The following PALS2 variants were observed in gnomAD, a reference collection of about 807,000 sequenced individuals.
The protein encoded by PALS2 is protein PALS2.
In PALS2, 27 loss-of-function variants were observed where a neutral mutation model predicts 61.6. The ratio of observed to expected loss-of-function variants is 0.44; its 90% CI spans 0.32 to 0.60. PALS2 has a LOEUF of 0.60. PALS2 is among the 20% of genes least tolerant of loss of function. PALS2 has a pLI of 0.05. For missense variants in PALS2, 554 were observed against 639.4 expected (o/e 0.87, Z 1.44); for synonymous variants, 236 against 218.6 (o/e 1.08, Z -0.70).
intron 3 of PALS2, among the ~76,000 whole-genome samples, chr7:24,644,532 C>T (rs1176921870): frequency 6.6e-6 from 1 of 151,314 alleles, no homozygotes; most frequent in African/African-American, 2.4e-5. Flanking sequence ...ATCACATTTT[C>T]TTTATCCAAT....
chr7:24,577,392 T>C (rs1051241735), intron 1 of PALS2, among the ~76,000 whole-genome samples: 14 of 152,018 alleles, frequency 9.2e-5, no homozygotes, highest in African/African-American at 2.7e-4. Flanking sequence ...TAAAAGCCTA[T>C]CTGTCAGAGT....
chr7:24,595,503 A>C (rs1000473121), intron 1 of PALS2, among the ~76,000 whole-genome samples: 14 of 108,138 alleles, frequency 1.3e-4, no homozygotes, highest in African/African-American at 5.8e-4. Context: ...TATTTTTAAT[A>C]TATATAATAT....
intron 1 of PALS2, among the ~76,000 whole-genome samples, chr7:24,593,803 T>G (rs1307793640): frequency 6.6e-6 from 1 of 152,086 alleles, no homozygotes; most frequent in Non-Finnish European, 1.5e-5. Context: ...TAGTGCACAG[T>G]TAGAGTAGAT....
chr7:24,663,319 A>G (rs1385378309), intron 5 of PALS2, among the ~76,000 whole-genome samples: 1 of 152,168 alleles, frequency 6.6e-6, no homozygotes, highest in Non-Finnish European at 1.5e-5. Context: ...GATTGAAGAA[A>G]AGTGGAAGAA....
chr7:24,598,476 C>T (rs944567957), intron 1 of PALS2, among the ~76,000 whole-genome samples: 1 of 152,092 alleles, frequency 6.6e-6, no homozygotes, highest in South Asian at 2.1e-4. Context: ...TACTGTTGTT[C>T]AGTTGTAATT....
chr7:24,635,248 G>C (rs1292117718), intron 2 of PALS2, among the ~76,000 whole-genome samples: 1 of 152,054 alleles, frequency 6.6e-6, no homozygotes, highest in Non-Finnish European at 1.5e-5. Flanking sequence ...ATAATTTTCA[G>C]AGTATAAATT....
chr7:24,679,757 A>C (rs920833666), intron 10 of PALS2, among the ~76,000 whole-genome samples: 2 of 151,900 alleles, frequency 1.3e-5, no homozygotes, highest in African/African-American at 4.8e-5. Flanking sequence ...TCTGTCACCT[A>C]CCCCTTCCCA....
intron 5 of PALS2, among the ~76,000 whole-genome samples, chr7:24,661,120 A>G (rs897799610): frequency 2.0e-5 from 3 of 152,174 alleles, no homozygotes; most frequent in African/African-American, 4.8e-5. Flanking sequence ...GTTAACATCC[A>G]TAGCCTATAA....
At chr7:24,684,764 T>C (rs567841067) in intron 11 of PALS2, among the ~76,000 whole-genome samples, 12 of 152,300 alleles carry the variant, frequency 7.9e-5, no homozygotes, top group Admixed American at 7.8e-4. Context: ...TGCCTTTTTT[T>C]CCTCTTATCC....
In PALS2 at chr7:24,691,433, A is replaced by G. The variant is rs1288096591; in HGVS notation, c.*3819A>G. 2 of 136,206 alleles carry G rather than the reference A, an allele frequency of 1.5e-5. No individual in the cohort carries two copies. Among genetic ancestry groups the G allele is most frequent in the Non-Finnish European group, 3.3e-5 (2 of 60,268 alleles). The allele number at this position is 136,206 out of a possible 1,614,324, so 8.4% of individuals were successfully genotyped here. ...TATATATATATATATATATATATAT[A>G]TATATATATATACAGCTATGTGTAT... On this transcript the variant is annotated 3_prime_UTR_variant, in exon 12 of 12. Transcript: ENST00000222644.
At chr7:24,574,954 T>TC (rs1782591071) in intron 1 of PALS2, among the ~76,000 whole-genome samples, 1 of 152,198 alleles carries the variant, frequency 6.6e-6, no homozygotes, top group Non-Finnish European at 1.5e-5. Flanking sequence ...TAGGCCTGAT[T>TC]ATAGTTATGT....
intron 9 of PALS2, among the ~76,000 whole-genome samples, chr7:24,677,003 C>T (rs910069169): frequency 7.3e-5 from 11 of 151,386 alleles, no homozygotes; most frequent in Admixed American, 7.2e-4. Flanking sequence ...TCTTCCTACC[C>T]ATGAGCATGG....
chr7:24,670,901 A>G (rs970166896), intron 9 of PALS2, among the ~76,000 whole-genome samples: 2 of 152,228 alleles, frequency 1.3e-5, no homozygotes, highest in African/African-American at 2.4e-5. Flanking sequence ...TTATATGGCT[A>G]TACCACATTT....
intron 1 of PALS2, among the ~76,000 whole-genome samples, chr7:24,585,244 T>C (rs1472768022): frequency 6.6e-6 from 1 of 151,900 alleles, no homozygotes; most frequent in African/African-American, 2.4e-5. Flanking sequence ...ATCTGTAAAT[T>C]ACCTTGGGCA....
intron 5 of PALS2, among the ~76,000 whole-genome samples, chr7:24,655,958 C>A (rs1786393788): frequency 6.6e-6 from 1 of 152,076 alleles, no homozygotes; most frequent in South Asian, 2.1e-4. Context: ...TTCTTGTTAT[C>A]TTGCTGTTAT....
At chr7:24,640,208 C>A (rs965948278) in intron 2 of PALS2, among the ~76,000 whole-genome samples, 1 of 151,228 alleles carries the variant, frequency 6.6e-6, no homozygotes, top group African/African-American at 2.4e-5. Flanking sequence ...AGAGTTTTTT[C>A]TTCTTTCTCG....
intron 2 of PALS2, among the ~76,000 whole-genome samples, chr7:24,628,478 A>G (rs1382692067): frequency 2.0e-5 from 3 of 152,054 alleles, no homozygotes; most frequent in Non-Finnish European, 2.9e-5. Context: ...CTCTCTCACC[A>G]CTCTTATTCA....
At chr7:24,603,699 G>A (rs894602959) in intron 1 of PALS2, among the ~76,000 whole-genome samples, 6 of 152,138 alleles carry the variant, frequency 3.9e-5, no homozygotes, top group African/African-American at 1.4e-4. Flanking sequence ...CCATCATTAA[G>A]CTTTACAGAC....
intron 5 of PALS2, among the ~76,000 whole-genome samples, chr7:24,652,140 TGCGTA>T (rs1456489698): frequency 6.6e-6 from 1 of 152,204 alleles, no homozygotes; most frequent in Admixed American, 6.5e-5. Context: ...ATCTTGGACC[TGCGTA>T]CGCTGGAAGA....
Sources: allele counts gnomAD v4.1 joint callset (sites outside exome capture counted in the v4.1 genomes callset), GRCh38; gene constraint gnomAD v4.1.1; transcripts MANE v1.5; gene names NCBI Gene and HGNC (gene_info 2026-07-23, HGNC 2026-07-21).